SEZ6L: variants seen among roughly 807,000 people sequenced by gnomAD.
SEZ6L encodes the protein seizure related 6 homolog like, also known as seizure 6-like protein.
A neutral mutation model predicts 106.2 loss-of-function variants in SEZ6L; 37 were observed. That is an observed-to-expected ratio of 0.35 (90% CI 0.27 to 0.46). The LOEUF (loss-of-function observed/expected upper bound fraction) is 0.46, where lower values mean the gene tolerates loss of function less well. Among genes scored for constraint, SEZ6L ranks in the 20% least tolerant of loss-of-function variants. The probability of loss-of-function intolerance (pLI) is 1.00; values close to 1 mark genes in which losing one functional copy is unlikely to be tolerated. For missense variants in SEZ6L, 1,172 were observed against 1,332.8 expected (o/e 0.88, Z 1.88); for synonymous variants, 541 against 570.4 (o/e 0.95, Z 0.73).
chr22:26,337,820 C>CA (rs765530976), intron 9 of SEZ6L, among the ~76,000 whole-genome samples: 15 of 152,238 alleles, frequency 9.9e-5, no homozygotes, highest in Non-Finnish European at 2.1e-4. Context: ...ATTATGGCGG[C>CA]AATCAAAATC....
At chr22:26,332,925 A>G (rs1275570282) in intron 9 of SEZ6L, among the ~76,000 whole-genome samples, 3 of 152,198 alleles carry the variant, frequency 2.0e-5, no homozygotes, top group Non-Finnish European at 1.5e-5. Flanking sequence ...TTCCTGGTTG[A>G]GCCTCAGTTT....
chr22:26,270,348 TAAG>T (rs2080323343), intron 1 of SEZ6L, among the ~76,000 whole-genome samples: 1 of 152,034 alleles, frequency 6.6e-6, no homozygotes. Context: ...AACTCTAAAA[TAAG>T]AATTCCTTTG....
chr22:26,209,901 A>G (rs376881040), intron 1 of SEZ6L, among the ~76,000 whole-genome samples: 1 of 147,824 alleles, frequency 6.8e-6, no homozygotes, highest in East Asian at 2.1e-4. Flanking sequence ...GAGAGGAAGG[A>G]AGGAAAGAAG....
At chr22:26,264,209 C>T (rs1335554124) in intron 1 of SEZ6L, among the ~76,000 whole-genome samples, 2 of 152,236 alleles carry the variant, frequency 1.3e-5, no homozygotes, top group Non-Finnish European at 2.9e-5. Flanking sequence ...CTAGGGCAAG[C>T]ACTGCCTGGG....
intron 1 of SEZ6L, among the ~76,000 whole-genome samples, chr22:26,261,379 T>C (rs2080000444): frequency 6.6e-6 from 1 of 152,220 alleles, no homozygotes; most frequent in African/African-American, 2.4e-5. Flanking sequence ...TAGATTTAAG[T>C]CCTTGATCAA....
chr22:26,235,699 C>G (rs1025583444), intron 1 of SEZ6L, among the ~76,000 whole-genome samples: 24 of 152,098 alleles, frequency 1.6e-4, no homozygotes, highest in African/African-American at 5.8e-4. Flanking sequence ...AAGCAAAAGG[C>G]TTAGGGGCTT....
intron 1 of SEZ6L, among the ~76,000 whole-genome samples, chr22:26,234,539 C>T (rs2078899042): frequency 6.6e-6 from 1 of 152,180 alleles, no homozygotes; most frequent in Non-Finnish European, 1.5e-5. Context: ...GCAGCAAAGT[C>T]AATGACAAAG....
chr22:26,208,255 G>A (rs149993402), intron 1 of SEZ6L, among the ~76,000 whole-genome samples: 8 of 152,256 alleles, frequency 5.3e-5, no homozygotes, highest in African/African-American at 1.9e-4. Flanking sequence ...CAAAACATTA[G>A]TTGGTTATTT....
chr22:26,197,688 G>A (rs1198353212), intron 1 of SEZ6L, among the ~76,000 whole-genome samples: 1 of 152,098 alleles, frequency 6.6e-6, no homozygotes, highest in African/African-American at 2.4e-5. Flanking sequence ...ACCTCCCCAG[G>A]GTTATATAAT....
chr22:26,195,795 A>AT (rs753771462), intron 1 of SEZ6L, among the ~76,000 whole-genome samples: 8 of 151,442 alleles, frequency 5.3e-5, no homozygotes, highest in Non-Finnish European at 1.2e-4. Context: ...GTGTGTATAT[A>AT]TATATATAGT....
At chr22:26,285,037 G>C (rs2080891924) in intron 1 of SEZ6L, among the ~76,000 whole-genome samples, 1 of 152,102 alleles carries the variant, frequency 6.6e-6, no homozygotes, top group Non-Finnish European at 1.5e-5. Context: ...TATCAGTATT[G>C]TTAGCATGGG....
In SEZ6L at chr22:26,170,602, G is replaced by A. The variant is rs181854666; in HGVS notation, c.94+839G>A. 1.6e-4 allele frequency among the ~76,000 whole-genome samples: 24 copies of A among 152,158 alleles called. No homozygotes were observed. The East Asian group carries it at 3.9e-3, about 25-fold the overall frequency. ...TGGAACCATACCCTCTCTCCACCCC[G>A]GTAAGGTACCCCAGGAAAAGTTATG... On this transcript the variant is annotated intron_variant, in intron 1 of 16. Transcript: ENST00000248933.
intron 1 of SEZ6L, among the ~76,000 whole-genome samples, chr22:26,224,238 T>C (rs2078569986): frequency 6.6e-6 from 1 of 152,212 alleles, no homozygotes; most frequent in Non-Finnish European, 1.5e-5. Context: ...ATGCTGGCTC[T>C]CTCAGAGGTT....
At chr22:26,319,106 C>A (rs11913650) in intron 9 of SEZ6L, among the ~76,000 whole-genome samples, 1,877 of 152,306 alleles carry the variant, frequency 0.012, 47 homozygotes, top group African/African-American at 0.043. Flanking sequence ...CCCAGCCCAG[C>A]ACACTCACTG....
Position 26,311,908 on chromosome 22 carries a change from G to A in SEZ6L, c.1822G>A (p.Glu608Lys), listed in dbSNP as rs370294088. The stretch of plus-strand genomic sequence containing the variant: ...CCTGGAGCAGGGCCCGGCCATCATC[G>A]AATGCATCAATGTGCGGGACCCATA... The part of the protein sequence containing the change: ...HSLEQGPAII[E>K]CINVRDPYWN... Residue 608 changes from glutamate (E) to lysine (K), a missense_variant, in exon 8 of 17, where the codon GAA becomes AAA. Physicochemically the swap from Glu to Lys is moderately conservative, Grantham distance 56 (BLOSUM62 1). Transcript: ENST00000248933. 1.4e-5 allele frequency: 23 copies of A among 1,614,026 alleles called. No individual in the cohort carries two copies. The highest frequency in any genetic ancestry group is 2.2e-5 in the East Asian group (1 of 44,888).
chr22:26,265,472 G>A (rs1230576401), intron 1 of SEZ6L, among the ~76,000 whole-genome samples: 3 of 152,104 alleles, frequency 2.0e-5, no homozygotes, highest in African/African-American at 7.2e-5. Context: ...AAATATTCTG[G>A]TCTGTGTTTT....
chr22:26,240,214 C>T (rs2079083534), intron 1 of SEZ6L, among the ~76,000 whole-genome samples: 1 of 152,096 alleles, frequency 6.6e-6, no homozygotes, highest in Admixed American at 6.6e-5. Context: ...TTCCCTCTGT[C>T]TCATATACCC....
At chr22:26,363,059 CTAAAG>C (rs1282294898) in intron 12 of SEZ6L, among the ~76,000 whole-genome samples, 1 of 152,176 alleles carries the variant, frequency 6.6e-6, no homozygotes, top group Non-Finnish European at 1.5e-5. Flanking sequence ...GAGACTGGGG[CTAAAG>C]TAAAGAATAT....
chr22:26,247,603 C>G (rs1418498820), intron 1 of SEZ6L, among the ~76,000 whole-genome samples: 2 of 152,160 alleles, frequency 1.3e-5, no homozygotes, highest in Non-Finnish European at 2.9e-5. Flanking sequence ...CTGAAAGACA[C>G]AAGGAAGGAT....
Sources: gnomAD v4.1 joint callset for allele counts (sites outside exome capture counted in the v4.1 genomes callset) on GRCh38, gnomAD v4.1.1 for gene constraint, MANE v1.5 for transcripts, NCBI Gene and HGNC (gene_info 2026-07-23, HGNC 2026-07-21) for gene names.